Variants in TRIO observed in about 807,000 individuals in gnomAD.
TRIO encodes the protein trio Rho guanine nucleotide exchange factor, also known as triple functional domain protein.
Under a neutral mutation model 351.9 loss-of-function variants are expected in TRIO, and 58 were observed. That is an observed-to-expected ratio of 0.16 (90% CI 0.13 to 0.21). TRIO has a LOEUF of 0.21. TRIO is among the 10% of genes least tolerant of loss of function. The pLI, the probability that TRIO is intolerant of heterozygous loss-of-function variation, is 1.00. For missense variants in TRIO, 3,201 were observed against 4,027.8 expected, an observed-to-expected ratio of 0.79 and a Z score of 5.56; for synonymous variants, 1,758 against 1,595.7, an observed-to-expected ratio of 1.10 and a Z score of -2.42.
chr5:14,354,254 TG>T (rs1218248324), intron 11 of TRIO, among the ~76,000 whole-genome samples: 1 of 152,256 alleles, frequency 6.6e-6, no homozygotes, highest in Non-Finnish European at 1.5e-5. Flanking sequence ...TCTGCTGTCT[TG>T]ATTAATTTTG....
At chr5:14,221,343 G>A (rs189788670) in intron 1 of TRIO, among the ~76,000 whole-genome samples, 2 of 152,268 alleles carry the variant, frequency 1.3e-5, no homozygotes, top group East Asian at 1.9e-4. Flanking sequence ...CACAACATCC[G>A]TACTGCAGCC....
intron 38 of TRIO, among the ~76,000 whole-genome samples, chr5:14,472,223 A>G (rs537666941): frequency 6.6e-6 from 1 of 152,382 alleles, no homozygotes; most frequent in East Asian, 1.9e-4. Flanking sequence ...TTTTTCTTGT[A>G]TAGCCAGTGA....
intron 30 of TRIO, 88 bp from the exon 31 acceptor site, chr5:14,400,875 A>C (rs1201256230): frequency 5.6e-6 from 7 of 1,256,150 alleles, no homozygotes; most frequent in African/African-American, 1.5e-5. Context: ...CATGGCCACA[A>C]GTAACCAAAA....
chr5:14,393,937 A>G, intron 27 of TRIO, 101 bp from the exon 28 acceptor site: 1 of 648,190 alleles, frequency 1.5e-6, no homozygotes, highest in Admixed American at 2.8e-5. Flanking sequence ...ATGATTAAAC[A>G]GTTGTCAGGT....
Position 14,369,469 on chromosome 5 carries a change from C to A in TRIO, c.3162C>A (p.Asp1054Glu). 1 of 1,614,094 alleles carries A rather than the reference C, an allele frequency of 6.2e-7. No individual in the cohort carries two copies. The highest frequency in any genetic ancestry group is 1.3e-5 in the African/African-American group (1 of 75,052). ...ADKLGPNSET[D>E]HVTPMISKHL... is the part of the protein sequence containing the mutation. ...AGCTGGGCCCAAACTCTGAGACGGACCACGTGACGCCCATGATCAGCAAGC... is the reference window on the plus strand; with the variant it reads ...AGCTGGGCCCAAACTCTGAGACGGAACACGTGACGCCCATGATCAGCAAGC... The change falls in exon 18 of 57, where the codon GAC (aspartate) becomes GAA (glutamate). Residue 1054 changes from aspartate to glutamate, a missense_variant. This residue lies in a region of TRIO where 363 missense variants were observed against 553.5 expected (regional missense o/e 0.66). Transcript: ENST00000344204.
At chr5:14,263,895 A>C (rs1408192514) in intron 1 of TRIO, among the ~76,000 whole-genome samples, 2 of 152,214 alleles carry the variant, frequency 1.3e-5, no homozygotes, top group Non-Finnish European at 2.9e-5. Flanking sequence ...GGCATTAGGC[A>C]AACAGGATCA....
chr5:14,383,185 G>T (rs1746263712), intron 21 of TRIO, among the ~76,000 whole-genome samples: 1 of 152,138 alleles, frequency 6.6e-6, no homozygotes, highest in Non-Finnish European at 1.5e-5. Context: ...AATTAGTTGG[G>T]CATGGTGGTG....
chr5:14,195,791 T>C (rs1040997804), intron 1 of TRIO, among the ~76,000 whole-genome samples: 7 of 152,214 alleles, frequency 4.6e-5, no homozygotes, highest in Non-Finnish European at 1.0e-4. Context: ...ACTGGATTGC[T>C]CCGATTGTTC....
At chr5:14,205,482 A>G (rs151324523) in intron 1 of TRIO, among the ~76,000 whole-genome samples, 216 of 152,336 alleles carry the variant, frequency 1.4e-3, no homozygotes, top group African/African-American at 5.0e-3. Flanking sequence ...TCTATCTTGT[A>G]TCTGAAGTTC....
At chr5:14,226,804 C>T (rs1050343603) in intron 1 of TRIO, among the ~76,000 whole-genome samples, 14 of 140,300 alleles carry the variant, frequency 1.0e-4, no homozygotes, top group African/African-American at 3.7e-4. Context: ...CATATCTTCC[C>T]AGGGTTCGGA....
intron 43 of TRIO, 32 bp from the exon 44 acceptor site, chr5:14,481,202 C>T (rs367784502): frequency 6.2e-7 from 1 of 1,601,548 alleles, no homozygotes; most frequent in South Asian, 1.1e-5. Flanking sequence ...GTCTTTGTCA[C>T]CATTATCATG....
intron 1 of TRIO, among the ~76,000 whole-genome samples, chr5:14,238,121 G>A (rs1324554090): frequency 6.6e-6 from 1 of 152,172 alleles, no homozygotes; most frequent in Non-Finnish European, 1.5e-5. Context: ...AGAAAGTAAA[G>A]TTTATGTCAG....
At chr5:14,297,380 G>A in intron 7 of TRIO, 117 bp downstream of exon 7, 5 of 1,230,594 alleles carry the variant, frequency 4.1e-6, no homozygotes, top group Non-Finnish European at 5.5e-6. Context: ...CCGCATGTGA[G>A]CTCTGAAGTC....
intron 49 of TRIO, among the ~76,000 whole-genome samples, chr5:14,495,661 A>G (rs1203827903): frequency 8.0e-6 from 1 of 125,178 alleles, no homozygotes; most frequent in Non-Finnish European, 1.8e-5. Flanking sequence ...TCTACTAGAA[A>G]AAAAAAAAAA....
chr5:14,197,815 T>C (rs1790871057), intron 1 of TRIO, among the ~76,000 whole-genome samples: 1 of 152,192 alleles, frequency 6.6e-6, no homozygotes, highest in African/African-American at 2.4e-5. Flanking sequence ...ACACAGTGGG[T>C]TGCATTGCAG....
intron 1 of TRIO, among the ~76,000 whole-genome samples, chr5:14,262,998 T>C (rs1176727588): frequency 6.6e-6 from 1 of 152,246 alleles, no homozygotes; most frequent in Non-Finnish European, 1.5e-5. Flanking sequence ...TTTGTGTTTT[T>C]GTTTGTCTAC....
chr5:14,435,677 T>C (rs972496206), intron 34 of TRIO, among the ~76,000 whole-genome samples: 2 of 152,204 alleles, frequency 1.3e-5, no homozygotes, highest in Non-Finnish European at 2.9e-5. Flanking sequence ...TCTTTACTTA[T>C]ATCAGTTGGA....
At chr5:14,492,459 C>T (rs901343645) in intron 48 of TRIO, 108 bp from the exon 49 acceptor site, 3 of 1,494,654 alleles carry the variant, frequency 2.0e-6, no homozygotes, top group Non-Finnish European at 9.1e-7. Flanking sequence ...CTGGTGAGCC[C>T]TGCACGGGGT....
intron 11 of TRIO, among the ~76,000 whole-genome samples, chr5:14,346,483 C>A (rs1742428049): frequency 6.6e-6 from 1 of 152,194 alleles, no homozygotes; most frequent in African/African-American, 2.4e-5. Flanking sequence ...TCAGTCCAAG[C>A]AACTGTGGGA....
Sources: gnomAD v4.1 joint callset for allele counts (sites outside exome capture counted in the v4.1 genomes callset) on GRCh38, gnomAD v4.1.1 for gene constraint, gnomAD v4.1.1 regional missense constraint, MANE v1.5 for transcripts, NCBI Gene and HGNC (gene_info 2026-07-23, HGNC 2026-07-21) for gene names.